Variants in ZFYVE9 observed in about 807,000 individuals in gnomAD.
ZFYVE9 encodes zinc finger FYVE-type containing 9.
A neutral mutation model predicts 126.7 loss-of-function variants in ZFYVE9; 43 were observed. The ratio of observed to expected loss-of-function variants is 0.34; its 90% CI spans 0.27 to 0.44. The LOEUF (loss-of-function observed/expected upper bound fraction) is 0.44, where lower values mean the gene tolerates loss of function less well. ZFYVE9 is among the 20% of genes least tolerant of loss of function. The pLI is 1.00. For missense variants in ZFYVE9, 1,476 were observed against 1,697.0 expected (o/e 0.87, Z 2.29); for synonymous variants, 521 against 597.4 (o/e 0.87, Z 1.87).
chr1:52,145,400 T>G (rs892011402), intron 1 of ZFYVE9, among the ~76,000 whole-genome samples: 6 of 152,200 alleles, frequency 3.9e-5, no homozygotes, highest in African/African-American at 1.2e-4. Context: ...TAAAAGATAA[T>G]TGCCTGGATT....
intron 1 of ZFYVE9, among the ~76,000 whole-genome samples, chr1:52,173,212 GTGT>G (rs1414951063): frequency 1.3e-5 from 2 of 152,286 alleles, no homozygotes; most frequent in East Asian, 3.9e-4. Context: ...TTAGCATGAA[GTGT>G]TGTTGAATTT....
At chr1:52,229,865 A>G (rs996124390) in intron 2 of ZFYVE9, among the ~76,000 whole-genome samples, 1 of 150,726 alleles carries the variant, frequency 6.6e-6, no homozygotes, top group Non-Finnish European at 1.5e-5. Context: ...AGGCTCACAG[A>G]CACTTTTTTT....
intron 1 of ZFYVE9, among the ~76,000 whole-genome samples, chr1:52,206,513 A>G (rs1045233605): frequency 1.3e-5 from 2 of 152,160 alleles, no homozygotes; most frequent in African/African-American, 2.4e-5. Flanking sequence ...AACCAGAAGG[A>G]GATAGAGGTT....
At chr1:52,210,219 C>T (rs138716192) in intron 1 of ZFYVE9, among the ~76,000 whole-genome samples, 5 of 152,012 alleles carry the variant, frequency 3.3e-5, no homozygotes, top group African/African-American at 2.4e-5. Flanking sequence ...TAAGTTCCTG[C>T]GGTGCCAATA....
chr1:52,325,390 C>T (rs547150268), intron 13 of ZFYVE9, among the ~76,000 whole-genome samples: 90 of 152,156 alleles, frequency 5.9e-4, no homozygotes, highest in Non-Finnish European at 1.0e-3. Context: ...TGTGGTGGCA[C>T]ATACCTGTAG....
chr1:52,256,043 T>TTCTC (rs58313402), intron 4 of ZFYVE9, among the ~76,000 whole-genome samples: 4 of 133,146 alleles, frequency 3.0e-5, no homozygotes, highest in Non-Finnish European at 6.3e-5. Flanking sequence ...CTTTCTTTCT[T>TTCTC]TCTCTCTCTC....
chr1:52,292,010 G>A (rs1034931083), intron 10 of ZFYVE9, among the ~76,000 whole-genome samples: 11 of 150,258 alleles, frequency 7.3e-5, no homozygotes, highest in African/African-American at 2.7e-4. Flanking sequence ...CAAGCACGGT[G>A]GCTCGCGCCT....
chr1:52,295,622 C>G (rs767773765), intron 11 of ZFYVE9, among the ~76,000 whole-genome samples: 7 of 152,056 alleles, frequency 4.6e-5, no homozygotes, highest in Non-Finnish European at 8.8e-5. Context: ...CTCAGCCTCC[C>G]AAAGTGCTGG....
At chr1:52,266,247 GC>G (rs548475527) in intron 5 of ZFYVE9, among the ~76,000 whole-genome samples, 102 of 151,714 alleles carry the variant, frequency 6.7e-4, no homozygotes, top group African/African-American at 2.4e-3. Flanking sequence ...ACAGGTGCCT[GC>G]CACCACACCT....
At chr1:52,322,772 C>A (rs544948905) in intron 13 of ZFYVE9, among the ~76,000 whole-genome samples, 1 of 151,948 alleles carries the variant, frequency 6.6e-6, no homozygotes, top group South Asian at 2.1e-4. Context: ...TCCTCTACAC[C>A]ATTTGTATTT....
chr1:52,275,079 T>G (rs1475013955), intron 8 of ZFYVE9, among the ~76,000 whole-genome samples: 1 of 152,226 alleles, frequency 6.6e-6, no homozygotes, highest in East Asian at 1.9e-4. Flanking sequence ...TAATATTATG[T>G]GAAATTTTAT....
intron 4 of ZFYVE9, among the ~76,000 whole-genome samples, chr1:52,256,092 G>A: frequency 6.9e-6 from 1 of 145,252 alleles, no homozygotes; most frequent in Non-Finnish European, 1.5e-5. Context: ...TTCAGATGGA[G>A]TCTCGCTCTG....
chr1:52,162,886 G>C, intron 1 of ZFYVE9: 1 of 505,798 alleles, frequency 2.0e-6, no homozygotes, highest in Non-Finnish European at 3.8e-6. Flanking sequence ...ATGGGATTCA[G>C]AGTGTTTGAA....
intron 13 of ZFYVE9, among the ~76,000 whole-genome samples, chr1:52,307,876 C>T (rs1005504003): frequency 3.3e-5 from 5 of 151,690 alleles, no homozygotes; most frequent in Non-Finnish European, 7.4e-5. Flanking sequence ...CTCAGCCTCC[C>T]GAGTAGCTGG....
chr1:52,243,327 A>C (rs1645353737), intron 4 of ZFYVE9, among the ~76,000 whole-genome samples: 1 of 152,204 alleles, frequency 6.6e-6, no homozygotes, highest in African/African-American at 2.4e-5. Context: ...ATAATATAAA[A>C]AATGGGGGTG....
intron 13 of ZFYVE9, among the ~76,000 whole-genome samples, chr1:52,320,028 A>G (rs1263328849): frequency 1.4e-4 from 21 of 149,626 alleles, no homozygotes; most frequent in East Asian, 1.4e-3. Flanking sequence ...AAAAAAAAAA[A>G]AAAGAGAAAA....
At chr1:52,324,866 G>A (rs1313396149) in intron 13 of ZFYVE9, among the ~76,000 whole-genome samples, 1 of 152,180 alleles carries the variant, frequency 6.6e-6, no homozygotes, top group Non-Finnish European at 1.5e-5. Context: ...CGGGTACAGT[G>A]GCTCACGCCT....
intron 11 of ZFYVE9, among the ~76,000 whole-genome samples, chr1:52,295,653 A>G (rs1054096542): frequency 1.3e-5 from 2 of 152,036 alleles, no homozygotes; most frequent in Admixed American, 6.6e-5. Flanking sequence ...ATGAGCCACT[A>G]TGCCTGGCTA....
chr1:52,296,324 TTC>T (rs1228232259), intron 12 of ZFYVE9, among the ~76,000 whole-genome samples: 1 of 151,910 alleles, frequency 6.6e-6, no homozygotes, highest in Non-Finnish European at 1.5e-5. Flanking sequence ...ACACCTAGCA[TTC>T]TGTCTTGTTT....
Sources: allele counts gnomAD v4.1 joint callset (sites outside exome capture counted in the v4.1 genomes callset), GRCh38; gene constraint gnomAD v4.1.1; transcripts MANE v1.5; gene names NCBI Gene and HGNC (gene_info 2026-07-23, HGNC 2026-07-21).